The following HPSE2 variants were observed in gnomAD, a reference collection of about 807,000 sequenced individuals.
HPSE2 encodes the protein heparanase 2 (inactive), also known as inactive heparanase-2.
HPSE2 carries 38 observed loss-of-function variants against 60.5 expected under a neutral mutation model. That is an observed-to-expected ratio of 0.63 (90% CI 0.48 to 0.82). The LOEUF (loss-of-function observed/expected upper bound fraction) is 0.82, where lower values mean the gene tolerates loss of function less well. HPSE2 is among the 40% of genes least tolerant of loss of function. HPSE2 has a pLI of 0.00. For synonymous variants in HPSE2, 295 were observed against 293.2 expected, an observed-to-expected ratio of 1.01 and a Z score of -0.06; for missense variants, 713 against 740.4, an observed-to-expected ratio of 0.96 and a Z score of 0.43.
chr10:98,505,066 G>A (rs1275310347), intron 9 of HPSE2, among the ~76,000 whole-genome samples: 1 of 152,078 alleles, frequency 6.6e-6, no homozygotes, highest in African/African-American at 2.4e-5. Context: ...ACTTCTTTGT[G>A]TGAACATCCT....
intron 9 of HPSE2, among the ~76,000 whole-genome samples, chr10:98,606,176 A>G (rs1239810405): frequency 6.6e-6 from 1 of 152,244 alleles, no homozygotes; most frequent in Non-Finnish European, 1.5e-5. Context: ...CTAGGTACTC[A>G]ATAAATAGTT....
intron 9 of HPSE2, among the ~76,000 whole-genome samples, chr10:98,572,271 T>G (rs915074138): frequency 6.6e-6 from 1 of 152,178 alleles, no homozygotes; most frequent in Admixed American, 6.5e-5. Flanking sequence ...TATTTCTAAT[T>G]TCAAAACAAA....
At chr10:98,968,100 A>G (rs1040567753) in intron 3 of HPSE2, among the ~76,000 whole-genome samples, 1 of 152,188 alleles carries the variant, frequency 6.6e-6, no homozygotes, top group African/African-American at 2.4e-5. Context: ...ATAAGAGAAA[A>G]AAACATGTAA....
At chr10:99,108,450 G>GT (rs1326575833) in intron 3 of HPSE2, among the ~76,000 whole-genome samples, 2 of 151,106 alleles carry the variant, frequency 1.3e-5, no homozygotes, top group African/African-American at 4.9e-5. Context: ...TACCCCTTAT[G>GT]TTTAGATATC....
chr10:98,837,722 A>C (rs1565199975), intron 3 of HPSE2, among the ~76,000 whole-genome samples: 2 of 151,490 alleles, frequency 1.3e-5, no homozygotes, highest in African/African-American at 4.9e-5. Context: ...AAAATAAAAA[A>C]AATTAGCCGG....
chr10:98,755,888 C>T (rs997522731), intron 3 of HPSE2, among the ~76,000 whole-genome samples: 8 of 151,960 alleles, frequency 5.3e-5, no homozygotes, highest in African/African-American at 1.2e-4. Context: ...CCCAGCTACT[C>T]GGGAGGCTGA....
chr10:99,075,783 T>C (rs899162570), intron 3 of HPSE2, among the ~76,000 whole-genome samples: 2 of 152,218 alleles, frequency 1.3e-5, no homozygotes, highest in African/African-American at 4.8e-5. Flanking sequence ...ATAACATCTT[T>C]TGTCTCTTGT....
At chr10:98,573,323 T>C (rs1196787751) in intron 9 of HPSE2, among the ~76,000 whole-genome samples, 1 of 152,216 alleles carries the variant, frequency 6.6e-6, no homozygotes, top group African/African-American at 2.4e-5. Flanking sequence ...AGAGATGCCT[T>C]TAATATGTAT....
chr10:99,292,959 C>T, the HPSE2 span, among the ~76,000 whole-genome samples: 1 of 152,092 alleles, frequency 6.6e-6, no homozygotes, highest in African/African-American at 2.4e-5. Context: ...CCTCCCCAAA[C>T]CCTTCCTTGT....
intron 9 of HPSE2, among the ~76,000 whole-genome samples, chr10:98,601,732 C>T (rs934694458): frequency 1.3e-5 from 2 of 152,174 alleles, no homozygotes; most frequent in South Asian, 2.1e-4. Context: ...GGCTTTTGGC[C>T]TGAACTCCTC....
the HPSE2 span, among the ~76,000 whole-genome samples, chr10:99,252,994 A>G: frequency 6.6e-6 from 1 of 152,192 alleles, no homozygotes; most frequent in Non-Finnish European, 1.5e-5. Flanking sequence ...ACACAAACAA[A>G]TAGAAAAACA....
intron 3 of HPSE2, among the ~76,000 whole-genome samples, chr10:98,982,820 T>C (rs150111755): frequency 2.8e-4 from 42 of 152,320 alleles, no homozygotes; most frequent in African/African-American, 9.9e-4. Flanking sequence ...TAATGTCAAA[T>C]TCTGATAGTT....
At chr10:98,708,858 A>T (rs1285104359) in intron 5 of HPSE2, among the ~76,000 whole-genome samples, 5 of 152,212 alleles carry the variant, frequency 3.3e-5, no homozygotes, top group Non-Finnish European at 1.5e-5. Flanking sequence ...TTTTTTAAAA[A>T]CTAGAAAAGG....
At chr10:99,308,648 G>T in the HPSE2 span, among the ~76,000 whole-genome samples, 1 of 151,944 alleles carries the variant, frequency 6.6e-6, no homozygotes, top group Non-Finnish European at 1.5e-5. Flanking sequence ...TATTATTTTT[G>T]CATCACTTTA....
At chr10:99,241,688 G>T in the HPSE2 span, among the ~76,000 whole-genome samples, 4 of 152,130 alleles carry the variant, frequency 2.6e-5, no homozygotes, top group Non-Finnish European at 5.9e-5. Flanking sequence ...AAGCCCGGGA[G>T]TTCAAGGCTA....
At chr10:98,504,688 G>C (rs1942139810) in intron 9 of HPSE2, among the ~76,000 whole-genome samples, 1 of 151,920 alleles carries the variant, frequency 6.6e-6, no homozygotes, top group African/African-American at 2.4e-5. Flanking sequence ...TATTCAGGAG[G>C]CTGAGGCGGG....
intron 3 of HPSE2, among the ~76,000 whole-genome samples, chr10:99,005,698 T>C (rs1956875517): frequency 6.6e-6 from 1 of 152,192 alleles, no homozygotes; most frequent in Non-Finnish European, 1.5e-5. Context: ...TGTACTCTTT[T>C]GGTAGTGTTA....
rs560454057 is a variant in HPSE2 at position 98,986,872 on chromosome 10, G to C, written c.610+157366C>G. Among the ~76,000 whole-genome samples, 223 of 152,112 alleles carry C rather than the reference G, an allele frequency of 1.5e-3. 1 individual carries two copies. Among genetic ancestry groups the C allele is most frequent in the African/African-American group, 4.9e-3 (202 of 41,492 alleles). The stretch of plus-strand genomic sequence containing the variant: ...AGAGAATACTATAAACACCTCTACG[G>C]AAATAAACTAGAAAATCTAGAAGAA... On this transcript the variant is annotated intron_variant, in intron 3 of 11. Transcript: ENST00000370552.
At chr10:99,006,487 C>T (rs112630482) in intron 3 of HPSE2, among the ~76,000 whole-genome samples, 1 of 152,172 alleles carries the variant, frequency 6.6e-6, no homozygotes, top group African/African-American at 2.4e-5. Flanking sequence ...TGAAAAGGGG[C>T]TGCAACCATC....
Sources: allele counts gnomAD v4.1 joint callset (sites outside exome capture counted in the v4.1 genomes callset), GRCh38; gene constraint gnomAD v4.1.1; transcripts MANE v1.5; gene names NCBI Gene and HGNC (gene_info 2026-07-23, HGNC 2026-07-21).